IQANK1: variants seen among roughly 807,000 people sequenced by gnomAD.
IQANK1 encodes the protein IQ motif and ankyrin repeat containing 1.
Under a neutral mutation model 22.6 loss-of-function variants are expected in IQANK1, and 30 were observed. The observed-to-expected ratio is 1.33, with a 90% CI of 0.99 to 1.80. IQANK1 has a LOEUF of 1.80. Ranked by LOEUF, IQANK1 falls within the 40% of genes most tolerant of loss-of-function variation. The pLI is 0.00. For synonymous variants in IQANK1, 122 were observed against 99.6 expected (o/e 1.23, Z -1.34); for missense variants, 275 against 235.2 (o/e 1.17, Z -1.11).
intron 3 of IQANK1, among the ~76,000 whole-genome samples, chr8:143,752,379 C>T (rs1250080518): frequency 6.6e-6 from 1 of 152,172 alleles, no homozygotes; most frequent in African/African-American, 2.4e-5. Context: ...AGTTTCTTCC[C>T]TCTTGCTACT....
intron 2 of IQANK1, among the ~76,000 whole-genome samples, chr8:143,738,358 C>T (rs782388540): frequency 5.3e-5 from 8 of 152,224 alleles, no homozygotes; most frequent in Non-Finnish European, 7.4e-5. Flanking sequence ...TGTGCTCCCA[C>T]GCCAGGCTTG....
At chr8:143,743,969 G>T (rs782535112) in intron 3 of IQANK1, 4 of 351,868 alleles carry the variant, frequency 1.1e-5, no homozygotes, top group South Asian at 8.3e-5. Context: ...GAGTAGCTGG[G>T]ACTACAGGCA....
intron 3 of IQANK1, among the ~76,000 whole-genome samples, chr8:143,765,203 A>G (rs1190595657): frequency 6.6e-6 from 1 of 152,124 alleles, no homozygotes; most frequent in Non-Finnish European, 1.5e-5. Context: ...CAAAAAATAC[A>G]GAAGTTAGCC....
chr8:143,737,987 G>A (rs890678374), intron 2 of IQANK1, among the ~76,000 whole-genome samples: 5 of 152,178 alleles, frequency 3.3e-5, no homozygotes, highest in South Asian at 2.1e-4. Context: ...CTCAGACCCC[G>A]GAGCAGTGGC....
chr8:143,740,635 G>T (rs1818883635), intron 3 of IQANK1, among the ~76,000 whole-genome samples: 1 of 152,238 alleles, frequency 6.6e-6, no homozygotes, highest in South Asian at 2.1e-4. Flanking sequence ...GGGGCCTCGC[G>T]GCCACATCAG....
intron 11 of IQANK1, 27 bp downstream of exon 11, chr8:143,789,896 G>A (rs566517605): frequency 1.5e-5 from 19 of 1,231,916 alleles, no homozygotes; most frequent in Non-Finnish European, 1.7e-5. Flanking sequence ...GCGCCGGCTG[G>A]GGGCTGGGAC....
intron 3 of IQANK1, among the ~76,000 whole-genome samples, chr8:143,761,278 G>A (rs1020543890): frequency 3.9e-5 from 6 of 152,204 alleles, no homozygotes; most frequent in African/African-American, 1.4e-4. Flanking sequence ...ACGGCCTCCC[G>A]TCTCCCCTGG....
chr8:143,740,510 A>G (rs1554626335), intron 3 of IQANK1, among the ~76,000 whole-genome samples: 1 of 151,994 alleles, frequency 6.6e-6, no homozygotes, highest in Non-Finnish European at 1.5e-5. Context: ...TGCCTCCCTC[A>G]CTGCTCATTC....
At chr8:143,747,164 C>T (rs1468476688) in intron 3 of IQANK1, among the ~76,000 whole-genome samples, 1 of 152,228 alleles carries the variant, frequency 6.6e-6, no homozygotes, top group Non-Finnish European at 1.5e-5. Context: ...CAGGAGTGAG[C>T]CACCGCGCCC....
At chr8:143,740,421 C>T (rs13252381) in intron 3 of IQANK1, among the ~76,000 whole-genome samples, 60,212 of 152,140 alleles carry the variant, frequency 0.4, 15,394 homozygotes, top group Non-Finnish European at 0.57. Flanking sequence ...CCGCTCAAAC[C>T]TTCCTCCGGG....
intron 7 of IQANK1, 102 bp from the exon 8 acceptor site, chr8:143,788,813 T>C (rs1238741937): frequency 5.0e-6 from 2 of 397,938 alleles, no homozygotes; most frequent in Non-Finnish European, 8.9e-6. Flanking sequence ...CCTTTCTGCA[T>C]AATGGCACCC....
rs565370082 is a variant in IQANK1, at chr8:143,767,863, C to T, written c.176-3625C>T. ...TGGAGCCACTGCACTCCAGCCTGGACGATGGAGCGAGACCTTTTTTTTTTT... is the reference window on the plus strand; with the variant it reads ...TGGAGCCACTGCACTCCAGCCTGGATGATGGAGCGAGACCTTTTTTTTTTT... On this transcript the variant is annotated intron_variant, in intron 3 of 13. Coordinates refer to ENST00000527139, the MANE Select transcript of IQANK1 (RefSeq NM_001381874.1). Among the ~76,000 whole-genome samples the T allele has an allele frequency of 3.2e-4, 43 of 132,424 alleles. No individual in the cohort carries two copies. The South Asian group carries it at 9.3e-3, about 29-fold the overall frequency. The allele number at this position is 132,424 out of a possible 152,430, so 86.9% of individuals were successfully genotyped here. A position where few individuals can be genotyped will look rare whatever the true frequency, so the allele number is the denominator to read the frequency against.
chr8:143,742,497 C>A (rs576927687), intron 3 of IQANK1: 1 of 455,946 alleles, frequency 2.2e-6, no homozygotes, highest in South Asian at 1.5e-5. Flanking sequence ...TCGCCTGTGT[C>A]ATCTGGGCTG....
At chr8:143,777,534 A>AC (rs1206819979) in intron 7 of IQANK1, among the ~76,000 whole-genome samples, 6 of 151,044 alleles carry the variant, frequency 4.0e-5, no homozygotes, top group African/African-American at 1.5e-4. Context: ...AAAAAAAAAA[A>AC]AAAAACAAAC....
intron 3 of IQANK1, among the ~76,000 whole-genome samples, chr8:143,764,531 G>A (rs1206218441): frequency 6.6e-6 from 1 of 151,878 alleles, no homozygotes; most frequent in Non-Finnish European, 1.5e-5. Context: ...AGCCTGGGGA[G>A]GTCAAGGCTG....
chr8:143,734,707 C>T (rs1818676995), intron 1 of IQANK1, among the ~76,000 whole-genome samples: 1 of 152,090 alleles, frequency 6.6e-6, no homozygotes, highest in African/African-American at 2.4e-5. Flanking sequence ...TTCACACTGA[C>T]TCTGAGAGCA....
Position 143,782,111 on chromosome 8 carries a change from G to C in IQANK1, c.790-6804G>C, listed in dbSNP as rs1044951083. 2.0e-5 allele frequency among the ~76,000 whole-genome samples: 3 copies of C among 152,124 alleles called. No individual in the cohort carries two copies. The South Asian group carries it at 6.2e-4, about 32-fold the overall frequency. The stretch of plus-strand genomic sequence containing the variant: ...GATTGCCTTTCTGATTTGGCATTCG[G>C]CTTGGCTGTTGCTGGTGTATAGGGA... On this transcript the variant is annotated intron_variant, in intron 7 of 13. Coordinates refer to ENST00000527139, the MANE Select transcript of IQANK1 (RefSeq NM_001381874.1).
At position 143,735,990 on chromosome 8, in the gene IQANK1, G is replaced by A; in HGVS notation, c.85+52G>A. 2.9e-6 allele frequency: 2 copies of A among 699,772 alleles called. No individual in the cohort carries two copies. Among genetic ancestry groups the A allele is most frequent in the Middle Eastern group, 2.3e-4 (1 of 4,356 alleles). 43.3% of individuals were successfully genotyped at this position (699,772 alleles called of 1,614,324 possible). A position where few individuals can be genotyped will look rare whatever the true frequency, so the allele number is the denominator to read the frequency against. On this transcript the variant is annotated intron_variant, in intron 2 of 13. Transcript: ENST00000527139. The surrounding 1 kb of genome is among the most constrained non-coding windows in gnomAD (Gnocchi z 5.2). ...CACTGTCACCCAGACACTGACCTGT[G>A]AGACCTTCTATGTAGCCACCGAGAG...
At chr8:143,789,415 C>T in intron 9 of IQANK1, 21 bp from the exon 10 acceptor site, 6 of 1,201,436 alleles carry the variant, frequency 5.0e-6, no homozygotes, top group Non-Finnish European at 6.3e-6. Context: ...CTTGCCAGGG[C>T]CTGCCCGTAC....
Sources: gnomAD v4.1 joint callset for allele counts (sites outside exome capture counted in the v4.1 genomes callset) on GRCh38, gnomAD v4.1.1 for gene constraint, Gnocchi (gnomAD v3.1) non-coding constraint, MANE v1.5 for transcripts, NCBI Gene and HGNC (gene_info 2026-07-23, HGNC 2026-07-21) for gene names.